Variants in DCAF15 observed in about 807,000 individuals in gnomAD.
DCAF15 encodes the protein DDB1- and CUL4-associated factor 15.
A neutral mutation model predicts 68.0 loss-of-function variants in DCAF15; 24 were observed. The ratio of observed to expected loss-of-function variants is 0.35; its 90% CI spans 0.26 to 0.50. The LOEUF is 0.50. Among genes scored for constraint, DCAF15 ranks in the 20% least tolerant of loss-of-function variants. DCAF15 has a pLI of 0.98. For synonymous variants in DCAF15, 376 were observed against 341.6 expected (o/e 1.10, Z -1.11); for missense variants, 627 against 830.6 (o/e 0.75, Z 3.01).
chr19:13,956,961 G>A (rs776879820), intron 6 of DCAF15, among the ~76,000 whole-genome samples: 1 of 152,166 alleles, frequency 6.6e-6, no homozygotes, highest in Admixed American at 6.5e-5. Context: ...TCACCATGTT[G>A]ATCAGGTTGG....
chr19:13,958,176 G>GC (rs1435706832), intron 6 of DCAF15, among the ~76,000 whole-genome samples: 1 of 152,160 alleles, frequency 6.6e-6, no homozygotes, highest in African/African-American at 2.4e-5. Context: ...ACGCCGCTCT[G>GC]CCCTTTTGGC....
At chr19:13,956,595 A>AGG (rs1973375503) in intron 6 of DCAF15, 73 bp downstream of exon 6, 3 of 1,541,700 alleles carry the variant, frequency 1.9e-6, no homozygotes, top group Non-Finnish European at 2.6e-6. Context: ...CACACAGACA[A>AGG]GGGGCCCCAG....
chr19:13,956,584 C>T (rs1973375079), intron 6 of DCAF15, 62 bp downstream of exon 6: 3 of 1,574,152 alleles, frequency 1.9e-6, no homozygotes, highest in Non-Finnish European at 2.6e-6. Context: ...CCCTACCCCA[C>T]CACACAGACA....
In DCAF15 at chr19:13,958,170, C is replaced by T. The variant is rs1049804696; in HGVS notation, c.785-875C>T. On this transcript the variant is annotated intron_variant, in intron 6 of 12. Transcript: ENST00000254337. ...CCCCCCAGCTTGCGAGGGTTGACGC[C>T]GCTCTGCCCTTTTGGCTGTGGGTCC... Among the ~76,000 whole-genome samples the T allele has an allele frequency of 7.9e-5, 12 of 152,290 alleles. No individual in the cohort carries two copies. The South Asian group carries it at 8.3e-4, about 11-fold the overall frequency.
In DCAF15 at chr19:13,952,555, A is replaced by AGCG. The variant is rs1157656435; in HGVS notation, c.55_57dup (p.Gly19dup). ...ATCGGAGCGGAACAGCGGGGCTGGGAGCGGCGGCGGCGGCCCCGGGGGAGC... is the reference window on the plus strand; with the variant it reads ...ATCGGAGCGGAACAGCGGGGCTGGGAGCGGCGGCGGCGGCGGCCCCGGGGGAGC... On this transcript the variant is annotated inframe_insertion, in exon 1 of 13. Coordinates refer to ENST00000254337, the MANE Select transcript of DCAF15 (RefSeq NM_138353.4). The AGCG allele has an allele frequency of 3.3e-5, 42 of 1,264,044 alleles. No homozygotes were observed. Among genetic ancestry groups the AGCG allele is most frequent in the East Asian group, 9.4e-5 (3 of 31,800 alleles). 78.3% of individuals were successfully genotyped at this position (1,264,044 alleles called of 1,614,324 possible). A position where few individuals can be genotyped will look rare whatever the true frequency, so the allele number is the denominator to read the frequency against.
Position 13,959,358 on chromosome 19 carries a change from A to C in DCAF15, c.1098A>C (p.Gly366=). The C allele has an allele frequency of 6.2e-7, 1 of 1,605,824 alleles. No individual in the cohort carries two copies. The highest frequency in any genetic ancestry group is 1.6e-4 in the Middle Eastern group (1 of 6,062). ...RAHSEPLALC[G]ETAPRDSPPA... is the part of the protein sequence containing the mutation. ...ACTCTGAGCCCCTAGCCCTGTGTGG[A>C]GAGACGGCACCCCGGGACAGCCCCC... is the stretch of plus-strand genomic sequence containing the variant. Residue 366 remains glycine (G), a synonymous_variant, in exon 7 of 13, where the codon GGA becomes GGC. Transcript: ENST00000254337.
Position 13,958,943 on chromosome 19 carries a change from T to C in DCAF15, c.785-102T>C, listed in dbSNP as rs937546859. ...CTGATCTCAGCATAGCCAAGTCTCCTAGAAGTGTCTCCTTAAGGTGGGTTT... is the reference window on the plus strand; with the variant it reads ...CTGATCTCAGCATAGCCAAGTCTCCCAGAAGTGTCTCCTTAAGGTGGGTTT... On this transcript the variant is annotated intron_variant, in intron 6 of 12. Transcript: ENST00000254337. 4 of 1,414,176 alleles carry C rather than the reference T, an allele frequency of 2.8e-6. No homozygotes were observed. In the African/African-American group the frequency reaches 5.7e-5, roughly 20 times the overall value. The allele number at this position is 1,414,176 out of a possible 1,614,324, so 87.6% of individuals were successfully genotyped here. A position where few individuals can be genotyped will look rare whatever the true frequency, so the allele number is the denominator to read the frequency against.
At chr19:13,954,792 A>C in intron 3 of DCAF15, 131 bp downstream of exon 3, 2 of 1,003,500 alleles carry the variant, frequency 2.0e-6, no homozygotes, top group Non-Finnish European at 3.0e-6. Context: ...TCAAGATTCC[A>C]TGTGTTAGAT....
In DCAF15 at chr19:13,955,864, C is replaced by T. The variant is rs745540420; in HGVS notation, c.367-48C>T. 3.1e-6 allele frequency: 5 copies of T among 1,594,032 alleles called. No homozygotes were observed. In the African/African-American group the frequency reaches 5.4e-5, roughly 17 times the overall value. ...GACTGCATCGTACAGCTTCGGGGGA[C>T]CTCCGCAGTTTCCCTGACCCGGTGC... On this transcript the variant is annotated intron_variant, in intron 3 of 12. Transcript: ENST00000254337.
chr19:13,961,146 C>G lies in DCAF15; in HGVS notation c.*151C>G. ...GGAACGGGGCTGGGCAGGGCAGCCT[C>G]TGTTGGCCTGAGGGTCTGGACGCTT... On this transcript the variant is annotated 3_prime_UTR_variant, in exon 13 of 13. Coordinates refer to ENST00000254337, the MANE Select transcript of DCAF15 (RefSeq NM_138353.4). The G allele has an allele frequency of 1.1e-6, 1 of 903,564 alleles. No individual in the cohort carries two copies. Among genetic ancestry groups the G allele is most frequent in the Non-Finnish European group, 1.7e-6 (1 of 583,024 alleles). The allele number at this position is 903,564 out of a possible 1,614,324, so 56.0% of individuals were successfully genotyped here.
At position 13,959,595 on chromosome 19, in the gene DCAF15, C is replaced by G; in HGVS notation, c.1233C>G (p.Asp411Glu). 3 of 1,613,196 alleles carry G rather than the reference C, an allele frequency of 1.9e-6. No individual in the cohort carries two copies. Among genetic ancestry groups the G allele is most frequent in the Non-Finnish European group, 1.7e-6 (2 of 1,179,892 alleles). ...CTGCCTCCCCAGAGTTGGAGGACGA[C>G]AAGATCTCCCTGCCCTTCGTGGTGA... The part of the protein sequence containing the change: ...GTEPEDELED[D>E]KISLPFVVTD... Residue 411 changes from aspartate (D) to glutamate (E), a missense_variant, in exon 8 of 13, where the codon GAC (aspartate) becomes GAG (glutamate). Around this residue, in one of 3 missense-constraint regions of DCAF15, gnomAD observed 236 missense variants for 225.1 expected, o/e 1.05. Coordinates refer to ENST00000254337, the MANE Select transcript of DCAF15 (RefSeq NM_138353.4).
Position 13,960,069 on chromosome 19 carries a change from G to A in DCAF15, c.1526G>A (p.Arg509Gln), listed in dbSNP as rs769674852. ...TCCCCCACTGAGGAGGGCCAGCTCC[G>A]GTGAGCGCGGGGATCCTGCCCTCTC... ...FPSPTEEGQL[R>Q]PKTYHTSLKV... Residue 509 changes from arginine (R) to glutamine (Q), a missense_variant and splice_region_variant, in exon 10 of 13, where the codon CGA (arginine) becomes CAA (glutamine). Around this residue, in one of 3 missense-constraint regions of DCAF15, gnomAD observed 118 missense variants for 211.8 expected, o/e 0.56. Coordinates refer to ENST00000254337, the MANE Select transcript of DCAF15 (RefSeq NM_138353.4). 1.1e-5 allele frequency: 17 copies of A among 1,613,420 alleles called. No individual in the cohort carries two copies. The highest frequency in any genetic ancestry group is 1.3e-5 in the African/African-American group (1 of 74,932).
At position 13,960,527 on chromosome 19, in the gene DCAF15, C is replaced by T; in HGVS notation, c.1694C>T (p.Pro565Leu). ...CVDMVMKWLV[P>L]ESSGRYVNRM... is the part of the protein sequence containing the mutation. ...GACATGGTCATGAAGTGGCTGGTGC[C>T]GGAGAGCAGCGGCCGCTACGTCAAC... Residue 565 changes from proline (P) to leucine (L), a missense_variant, in exon 12 of 13, where the codon CCG (proline) becomes CTG (leucine). Pro to Leu is a moderately conservative substitution (Grantham distance 98, BLOSUM62 -3). This residue lies in a region of DCAF15 where 118 missense variants were observed against 211.8 expected (regional missense o/e 0.56). Transcript: ENST00000254337. 6.2e-7 allele frequency: 1 copy of T among 1,603,964 alleles called. No homozygotes were observed. Among genetic ancestry groups the T allele is most frequent in the Non-Finnish European group, 8.5e-7 (1 of 1,176,616 alleles).
At chr19:13,956,673 G>A in intron 6 of DCAF15, 151 bp downstream of exon 6, 3 of 930,338 alleles carry the variant, frequency 3.2e-6, no homozygotes, top group Non-Finnish European at 4.8e-6. Context: ...CGGTCCAAAT[G>A]TGGCCACGCC....
chr19:13,954,578 A>T lies in DCAF15; in HGVS notation c.283A>T (p.Ser95Cys), dbSNP rs1429971665. Residue 95 changes from serine (S) to cysteine (C), a missense_variant, in exon 3 of 13, where the codon AGC (serine) becomes TGC (cysteine). Physicochemically the swap from Ser to Cys is moderately radical, Grantham distance 112. This residue lies in a region of DCAF15 where 273 missense variants were observed against 393.7 expected (regional missense o/e 0.69). Coordinates refer to ENST00000254337, the MANE Select transcript of DCAF15 (RefSeq NM_138353.4). ...CGGCCGCTACGTCCTCTCCTACACC[A>T]GCAGCAGTGGGGATGACGACTTCTC... ...KCGRYVLSYT[S>C]SSGDDDFSFY... 3.7e-6 allele frequency: 6 copies of T among 1,614,020 alleles called. No individual in the cohort carries two copies. The highest frequency in any genetic ancestry group is 4.2e-6 in the Non-Finnish European group (5 of 1,180,020).
At chr19:13,960,911 C>T (rs1973603118) in intron 12 of DCAF15, 29 bp from the exon 13 acceptor site, 4 of 1,613,754 alleles carry the variant, frequency 2.5e-6, no homozygotes, top group Non-Finnish European at 3.4e-6. Context: ...GGCAGGGGCT[C>T]TATGCTTTGT....
At chr19:13,957,367 G>A (rs761444743) in intron 6 of DCAF15, among the ~76,000 whole-genome samples, 10 of 152,166 alleles carry the variant, frequency 6.6e-5, no homozygotes, top group Non-Finnish European at 1.0e-4. Context: ...CCCTGTGCCC[G>A]GGTCTCTCCC....
chr19:13,954,060 C>T (rs925585098), intron 1 of DCAF15, among the ~76,000 whole-genome samples: 13 of 152,232 alleles, frequency 8.5e-5, no homozygotes, highest in African/African-American at 2.2e-4. Context: ...GGGGCGGTGA[C>T]GCTGGGCTCA....
chr19:13,952,977 A>C, intron 1 of DCAF15: 1 of 1,040,388 alleles, frequency 9.6e-7, no homozygotes, highest in Non-Finnish European at 1.4e-6. Flanking sequence ...AGGCTTTTCA[A>C]AGCTCTGCTC....
Sources: allele counts gnomAD v4.1 joint callset (sites outside exome capture counted in the v4.1 genomes callset), GRCh38; gene constraint gnomAD v4.1.1; regional missense constraint gnomAD v4.1.1; transcripts MANE v1.5; gene names NCBI Gene and HGNC (gene_info 2026-07-23, HGNC 2026-07-21).